STK3: variants seen among roughly 807,000 people sequenced by gnomAD.
STK3 encodes the protein serine/threonine kinase 3, also known as serine/threonine-protein kinase 3.
Under a neutral mutation model 58.0 loss-of-function variants are expected in STK3, and 41 were observed. The observed-to-expected ratio is 0.71, with a 90% CI of 0.55 to 0.92. STK3 has a LOEUF of 0.92. STK3 is among the 40% of genes least tolerant of loss of function. The pLI is 0.00. For missense variants in STK3, 479 were observed against 602.7 expected (o/e 0.79, Z 2.15); for synonymous variants, 170 against 191.0 (o/e 0.89, Z 0.91).
chr8:98,775,455 G>A (rs146349798), intron 1 of STK3, among the ~76,000 whole-genome samples: 4 of 152,124 alleles, frequency 2.6e-5, no homozygotes, highest in Admixed American at 2.0e-4. Flanking sequence ...CACGCCAGAC[G>A]CACCAATGAT....
Position 98,675,857 on chromosome 8 carries a change from C to A in STK3, c.684+30610G>T, listed in dbSNP as rs1237215137. On this transcript the variant is annotated intron_variant, in intron 6 of 10. Coordinates refer to ENST00000419617, the MANE Select transcript of STK3 (RefSeq NM_006281.4). ...CCAGCTTGGGTGACAGAGCGAGACT[C>A]TGTCTCAAAAAAGAAAAAAAAAAGC... 2.6e-5 allele frequency among the ~76,000 whole-genome samples: 4 copies of A among 151,210 alleles called. No individual in the cohort carries two copies. In the South Asian group the frequency reaches 8.4e-4, roughly 32 times the overall value.
chr8:98,764,870 G>T (rs903302161), intron 3 of STK3, among the ~76,000 whole-genome samples: 1 of 152,172 alleles, frequency 6.6e-6, no homozygotes, highest in African/African-American at 2.4e-5. Flanking sequence ...GAACATGAAG[G>T]ACCTTGTATG....
intron 2 of STK3, among the ~76,000 whole-genome samples, chr8:98,376,471 C>A (rs191323997): frequency 6.6e-6 from 1 of 152,164 alleles, no homozygotes; most frequent in African/African-American, 2.4e-5. Flanking sequence ...ATTTTAATAC[C>A]ATGTCTAAGG....
At chr8:98,884,975 A>G (rs1837926088) in intron 1 of STK3, among the ~76,000 whole-genome samples, 1 of 152,254 alleles carries the variant, frequency 6.6e-6, no homozygotes, top group Non-Finnish European at 1.5e-5. Flanking sequence ...CTGCAATACC[A>G]TCTTCCAGGT....
At chr8:98,647,171 C>G (rs1032766363) in intron 6 of STK3, among the ~76,000 whole-genome samples, 1 of 152,088 alleles carries the variant, frequency 6.6e-6, no homozygotes, top group African/African-American at 2.4e-5. Flanking sequence ...ATTCCATCTG[C>G]CCAAAATGAT....
intron 6 of STK3, among the ~76,000 whole-genome samples, chr8:98,646,035 G>C (rs1820373920): frequency 6.6e-6 from 1 of 152,122 alleles, no homozygotes; most frequent in South Asian, 2.1e-4. Context: ...CAAACTTTAA[G>C]TCTACCCTAA....
chr8:98,627,495 A>AG (rs1323341391), intron 6 of STK3, among the ~76,000 whole-genome samples: 4 of 137,894 alleles, frequency 2.9e-5, no homozygotes, highest in African/African-American at 1.1e-4. Flanking sequence ...AAAAGAAAAA[A>AG]GAAAAAAAAA....
At chr8:98,718,306 G>C (rs117179918) in intron 4 of STK3, among the ~76,000 whole-genome samples, 2,355 of 152,276 alleles carry the variant, frequency 0.015, 40 homozygotes, top group Middle Eastern at 0.048. Flanking sequence ...AATAAAGAAG[G>C]CTGAAGTTTA....
At chr8:98,731,284 T>C (rs560923233) in intron 4 of STK3, among the ~76,000 whole-genome samples, 1 of 152,226 alleles carries the variant, frequency 6.6e-6, no homozygotes, top group Non-Finnish European at 1.5e-5. Context: ...AGTTCACTTT[T>C]TCACGGAAGC....
downstream of STK3, among the ~76,000 whole-genome samples, chr8:98,401,191 GAGAGAAATCGCA>G (rs1817940651): frequency 6.6e-6 from 1 of 152,200 alleles, no homozygotes; most frequent in Non-Finnish European, 1.5e-5. Context: ...CATAGAGATG[GAGAGAAATCGCA>G]AGAAGCCCCA....
chr8:98,695,229 G>T (rs1331529193), intron 6 of STK3, among the ~76,000 whole-genome samples: 1 of 152,130 alleles, frequency 6.6e-6, no homozygotes, highest in Non-Finnish European at 1.5e-5. Context: ...TGAGTTCATT[G>T]TAGATTCTGG....
At chr8:98,649,372 T>C (rs1820690302) in intron 6 of STK3, among the ~76,000 whole-genome samples, 1 of 152,202 alleles carries the variant, frequency 6.6e-6, no homozygotes, top group South Asian at 2.1e-4. Context: ...TTATTTTTCT[T>C]TCATAGCTCC....
chr8:98,506,119 C>A lies in STK3; in HGVS notation c.1317+20623G>T, dbSNP rs996218420. Among the ~76,000 whole-genome samples, 5 of 152,230 alleles carry A rather than the reference C, an allele frequency of 3.3e-5. No homozygotes were observed. In the South Asian group the frequency reaches 6.2e-4, roughly 19 times the overall value. ...CCTCAGCAATGGCGGATGCCCCTCC[C>A]CCTGCCAGGTTGCTGCCTTGCAGGT... On this transcript the variant is annotated intron_variant, in intron 10 of 10. Coordinates refer to ENST00000419617, the MANE Select transcript of STK3 (RefSeq NM_006281.4).
intron 3 of STK3, among the ~76,000 whole-genome samples, chr8:98,857,966 T>A (rs1423584056): frequency 6.6e-6 from 1 of 152,070 alleles, no homozygotes; most frequent in East Asian, 1.9e-4. Context: ...TTTAACTGGG[T>A]GTTGAAAAAT....
At chr8:98,872,440 C>G (rs1036132663) in intron 3 of STK3, among the ~76,000 whole-genome samples, 3 of 152,186 alleles carry the variant, frequency 2.0e-5, no homozygotes, top group African/African-American at 7.2e-5. Context: ...CTTTATACCG[C>G]TGGTAGAATT....
intron 6 of STK3, among the ~76,000 whole-genome samples, chr8:98,683,568 CA>C (rs1823781496): frequency 6.6e-6 from 1 of 151,968 alleles, no homozygotes; most frequent in African/African-American, 2.4e-5. Context: ...GGAAATACGA[CA>C]ACTATATCAA....
At chr8:98,493,531 T>A (rs532093769) in intron 10 of STK3, among the ~76,000 whole-genome samples, 60 of 152,320 alleles carry the variant, frequency 3.9e-4, no homozygotes, top group Non-Finnish European at 7.1e-4. Flanking sequence ...TGAAGCTTTT[T>A]ACACATTCAT....
intron 6 of STK3, among the ~76,000 whole-genome samples, chr8:98,610,395 T>C (rs1817101670): frequency 6.6e-6 from 1 of 152,236 alleles, no homozygotes; most frequent in Non-Finnish European, 1.5e-5. Flanking sequence ...AAGATCAGAA[T>C]ATTATATGCA....
intron 9 of STK3, among the ~76,000 whole-genome samples, chr8:98,544,889 C>T (rs555495589): frequency 1.3e-5 from 2 of 152,182 alleles, no homozygotes; most frequent in South Asian, 4.2e-4. Flanking sequence ...TCCTCAGATA[C>T]CCATAAGACA....
Sources: gnomAD v4.1 joint callset for allele counts (sites outside exome capture counted in the v4.1 genomes callset) on GRCh38, gnomAD v4.1.1 for gene constraint, MANE v1.5 for transcripts, NCBI Gene and HGNC (gene_info 2026-07-23, HGNC 2026-07-21) for gene names.